Variants in CDC42SE2 observed in about 807,000 individuals in gnomAD.
CDC42SE2 encodes CDC42 small effector 2.
In CDC42SE2, 3 loss-of-function variants were observed where a neutral mutation model predicts 11.5. The ratio of observed to expected loss-of-function variants is 0.26; its 90% CI spans 0.12 to 0.67. CDC42SE2 has a LOEUF of 0.67. Among genes scored for constraint, CDC42SE2 ranks in the 30% least tolerant of loss-of-function variants. CDC42SE2 has a pLI of 0.80. For synonymous variants in CDC42SE2, 33 were observed against 34.8 expected (o/e 0.95, Z 0.18); for missense variants, 82 against 106.8 (o/e 0.77, Z 1.02).
chr5:131,214,502 C>T, the CDC42SE2 span, among the ~76,000 whole-genome samples: 1,149 of 151,950 alleles, frequency 7.6e-3, 17 homozygotes, highest in African/African-American at 0.026. Context: ...TTTTTTTTCC[C>T]CTCTTATCTT....
chr5:131,343,793 A>T (rs1758769546), intron 2 of CDC42SE2, among the ~76,000 whole-genome samples: 1 of 152,050 alleles, frequency 6.6e-6, no homozygotes, highest in African/African-American at 2.4e-5. Flanking sequence ...AAAGAGGAAG[A>T]TTATTAAAGA....
chr5:131,306,500 T>C (rs969576750), intron 1 of CDC42SE2, among the ~76,000 whole-genome samples: 1 of 152,186 alleles, frequency 6.6e-6, no homozygotes, highest in Non-Finnish European at 1.5e-5. Flanking sequence ...TACTATAGTT[T>C]GTAGTAGATT....
intron 3 of CDC42SE2, among the ~76,000 whole-genome samples, chr5:131,384,011 A>G (rs1263656546): frequency 2.0e-5 from 3 of 152,232 alleles, no homozygotes; most frequent in Non-Finnish European, 2.9e-5. Context: ...CAAAATGAAC[A>G]CATGGAGCAA....
intron 2 of CDC42SE2, among the ~76,000 whole-genome samples, chr5:131,320,262 C>A (rs1360348064): frequency 6.6e-6 from 1 of 150,498 alleles, no homozygotes; most frequent in Non-Finnish European, 1.5e-5. Flanking sequence ...CGTGGTGGTG[C>A]ATGCCTGTAA....
In CDC42SE2 at chr5:131,357,975, T is replaced by C. The variant is rs1201053360; in HGVS notation, c.-285-1234T>C. ...ACTTTCTCCTTGAAACAGGCTCCAGTGACACCACATTTAACGGATTTTCCT... is the reference window on the plus strand; with the variant it reads ...ACTTTCTCCTTGAAACAGGCTCCAGCGACACCACATTTAACGGATTTTCCT... On this transcript the variant is annotated intron_variant, in intron 2 of 4. Coordinates refer to ENST00000505065, the MANE Select transcript of CDC42SE2 (RefSeq NM_001375635.1). Among the ~76,000 whole-genome samples, 6 of 152,224 alleles carry C rather than the reference T, an allele frequency of 3.9e-5. No individual in the cohort carries two copies. In the East Asian group the frequency reaches 9.6e-4, roughly 24 times the overall value.
chr5:131,377,134 T>A (rs1172070059), intron 3 of CDC42SE2, among the ~76,000 whole-genome samples: 1 of 152,088 alleles, frequency 6.6e-6, no homozygotes, highest in Non-Finnish European at 1.5e-5. Flanking sequence ...CCCTTTTCTC[T>A]GCAGCCTCAC....
At chr5:131,272,155 C>T (rs932041214) in intron 1 of CDC42SE2, among the ~76,000 whole-genome samples, 9 of 152,060 alleles carry the variant, frequency 5.9e-5, no homozygotes, top group Middle Eastern at 3.4e-3. Context: ...GAATTACAGG[C>T]GCCCATCACC....
upstream of CDC42SE2, among the ~76,000 whole-genome samples, chr5:131,244,337 T>C (rs973447744): frequency 6.6e-6 from 1 of 152,188 alleles, no homozygotes; most frequent in African/African-American, 2.4e-5. Flanking sequence ...AACAATATGG[T>C]TAGCAAACTT....
At chr5:131,244,121 C>T (rs1034113520), upstream of CDC42SE2, among the ~76,000 whole-genome samples, 9 of 152,086 alleles carry the variant, frequency 5.9e-5, no homozygotes, top group Non-Finnish European at 1.3e-4. Flanking sequence ...TGATAAAATA[C>T]CCAGGTCCAA....
rs547814429 is a variant in CDC42SE2, at chr5:131,369,372, C to G, written c.54+9825C>G. Reference sequence around the variant, plus strand: ...GTACGCGACTATTATGCACAATGCTCTTTTGTGCATTTGTGTATGTGTAGC... The same window carrying G: ...GTACGCGACTATTATGCACAATGCTGTTTTGTGCATTTGTGTATGTGTAGC... On this transcript the variant is annotated intron_variant, in intron 3 of 4. Coordinates refer to ENST00000505065, the MANE Select transcript of CDC42SE2 (RefSeq NM_001375635.1). Among the ~76,000 whole-genome samples, 4 of 152,280 alleles carry G rather than the reference C, an allele frequency of 2.6e-5. No individual in the cohort carries two copies. The East Asian group carries it at 7.7e-4, about 29-fold the overall frequency.
intron 1 of CDC42SE2, among the ~76,000 whole-genome samples, chr5:131,252,728 C>T (rs1756651354): frequency 6.6e-6 from 1 of 152,144 alleles, no homozygotes; most frequent in African/African-American, 2.4e-5. Flanking sequence ...TCATCTGGGC[C>T]CACATGCACC....
At chr5:131,239,769 T>C in the CDC42SE2 span, among the ~76,000 whole-genome samples, 1 of 152,204 alleles carries the variant, frequency 6.6e-6, no homozygotes, top group Non-Finnish European at 1.5e-5. Flanking sequence ...TTCAGATTCC[T>C]CATCTGGAAG....
At chr5:131,290,149 G>C (rs1421240326) in intron 1 of CDC42SE2, among the ~76,000 whole-genome samples, 2 of 152,014 alleles carry the variant, frequency 1.3e-5, no homozygotes, top group Admixed American at 6.6e-5. Context: ...GTCTGGCCTT[G>C]ACTTTCTTTT....
At chr5:131,236,998 T>G in the CDC42SE2 span, among the ~76,000 whole-genome samples, 1 of 152,234 alleles carries the variant, frequency 6.6e-6, no homozygotes, top group African/African-American at 2.4e-5. Flanking sequence ...TTCCCAACTA[T>G]TCTGGCTTAT....
At chr5:131,262,573 T>C (rs959485593), upstream of CDC42SE2, among the ~76,000 whole-genome samples, 3 of 151,956 alleles carry the variant, frequency 2.0e-5, no homozygotes, top group Non-Finnish European at 4.4e-5. Context: ...GCTAAACATA[T>C]CAGATAAATA....
At chr5:131,340,067 G>T (rs190793771) in intron 2 of CDC42SE2, among the ~76,000 whole-genome samples, 32 of 152,204 alleles carry the variant, frequency 2.1e-4, no homozygotes, top group Middle Eastern at 3.4e-3. Context: ...CAACAATAGA[G>T]GTCTTCTGCA....
intron 1 of CDC42SE2, 138 bp downstream of exon 1, chr5:131,264,304 G>T (rs951271968): frequency 2.6e-5 from 4 of 152,290 alleles, no homozygotes; most frequent in Non-Finnish European, 5.9e-5. Context: ...CCAGCCGCGC[G>T]CTGCGGGCTG....
intron 2 of CDC42SE2, among the ~76,000 whole-genome samples, chr5:131,321,293 G>A (rs747867073): frequency 1.3e-5 from 2 of 152,154 alleles, no homozygotes; most frequent in East Asian, 1.9e-4. Context: ...CTCAACTTCC[G>A]TCTGTGAAAG....
chr5:131,351,367 G>A (rs1375618516), intron 2 of CDC42SE2, among the ~76,000 whole-genome samples: 1 of 151,952 alleles, frequency 6.6e-6, no homozygotes, highest in African/African-American at 2.4e-5. Context: ...CCATTCTCTT[G>A]CCTCAGCCTC....
Sources: allele counts gnomAD v4.1 joint callset (sites outside exome capture counted in the v4.1 genomes callset), GRCh38; gene constraint gnomAD v4.1.1; transcripts MANE v1.5; gene names NCBI Gene and HGNC (gene_info 2026-07-23, HGNC 2026-07-21).